Variants in ASTN2 observed in about 807,000 individuals in gnomAD.
ASTN2 encodes the protein astrotactin 2, also known as astrotactin-2.
In ASTN2, 54 loss-of-function variants were observed where a neutral mutation model predicts 139.8. The ratio of observed to expected loss-of-function variants is 0.39; its 90% confidence interval spans 0.31 to 0.48. ASTN2 has a LOEUF of 0.48. Among genes scored for constraint, ASTN2 ranks in the 20% least tolerant of loss-of-function variants. The pLI, the probability that ASTN2 is intolerant of heterozygous loss-of-function variation, is 0.95. For synonymous variants in ASTN2, 756 were observed against 719.5 expected (o/e 1.05, Z -0.81); for missense variants, 1,565 against 1,725.1 (o/e 0.91, Z 1.64).
intron 16 of ASTN2, among the ~76,000 whole-genome samples, chr9:116,679,719 T>C (rs1859723985): frequency 6.6e-6 from 1 of 152,110 alleles, no homozygotes; most frequent in Non-Finnish European, 1.5e-5. Context: ...ATTAAGAAAC[T>C]CACTCAAAAC....
chr9:116,917,310 T>C (rs1223141741), intron 10 of ASTN2, among the ~76,000 whole-genome samples: 1 of 152,060 alleles, frequency 6.6e-6, no homozygotes, highest in African/African-American at 2.4e-5. Context: ...TAATAATTGG[T>C]GAGTTTTTGA....
chr9:116,656,866 G>A (rs781242839), intron 16 of ASTN2, among the ~76,000 whole-genome samples: 24 of 152,098 alleles, frequency 1.6e-4, no homozygotes, highest in Non-Finnish European at 2.9e-4. Flanking sequence ...ATTCGGCAAC[G>A]GTGCAGGGTG....
At chr9:116,599,109 AAG>A (rs1854736117) in intron 19 of ASTN2, among the ~76,000 whole-genome samples, 1 of 152,174 alleles carries the variant, frequency 6.6e-6, no homozygotes, top group Non-Finnish European at 1.5e-5. Context: ...GAAAATCTAA[AAG>A]AGGGGATTAA....
chr9:116,788,680 A>G lies in ASTN2; in HGVS notation c.2396+16952T>C, dbSNP rs530323052. Among the ~76,000 whole-genome samples the G allele has an allele frequency of 1.3e-3, 194 of 152,240 alleles. 2 individuals carry two copies. The highest frequency in any genetic ancestry group is 4.2e-3 in the African/African-American group (174 of 41,544). On this transcript the variant is annotated intron_variant, in intron 13 of 22. Transcript: ENST00000313400. ...CGCAGAAATTGTCTTAGACAATACA[A>G]TGGCTTGTGGTCCTCCAATGTCTAA...
At chr9:116,537,405 C>T (rs1480784564) in intron 19 of ASTN2, among the ~76,000 whole-genome samples, 3 of 152,224 alleles carry the variant, frequency 2.0e-5, no homozygotes, top group African/African-American at 7.2e-5. Context: ...GATAACTTCA[C>T]ATTCATTTGA....
intron 19 of ASTN2, among the ~76,000 whole-genome samples, chr9:116,552,765 C>T (rs1019417177): frequency 2.0e-5 from 3 of 152,120 alleles, no homozygotes; most frequent in Non-Finnish European, 4.4e-5. Flanking sequence ...GGCCTGGTGC[C>T]CTAAAACTTG....
chr9:117,070,812 G>A (rs1828097295), intron 5 of ASTN2, among the ~76,000 whole-genome samples: 1 of 151,624 alleles, frequency 6.6e-6, no homozygotes, highest in Non-Finnish European at 1.5e-5. Flanking sequence ...CGGCTCCTGA[G>A]GCTTCTGCAT....
intron 5 of ASTN2, among the ~76,000 whole-genome samples, chr9:117,060,703 C>T (rs566380204): frequency 2.0e-5 from 3 of 151,772 alleles, no homozygotes; most frequent in Admixed American, 1.3e-4. Context: ...ATCATCCTGG[C>T]TAACATGGTG....
intron 16 of ASTN2, among the ~76,000 whole-genome samples, chr9:116,695,508 T>C (rs944869591): frequency 4.6e-5 from 7 of 152,232 alleles, no homozygotes; most frequent in Non-Finnish European, 7.3e-5. Context: ...TTAACTCCCC[T>C]TCTTCTCTAT....
In ASTN2 at chr9:116,886,538, A is replaced by T. The variant is rs538047018; in HGVS notation, c.1890-22805T>A. Among the ~76,000 whole-genome samples the T allele has an allele frequency of 1.3e-4, 19 of 151,382 alleles. 1 individual carries two copies. Among genetic ancestry groups the T allele is most frequent in the Admixed American group, 1.3e-3 (19 of 15,174 alleles). On this transcript the variant is annotated intron_variant, in intron 10 of 22. Coordinates refer to ENST00000313400, the MANE Select transcript of ASTN2 (RefSeq NM_001365068.1). ...AGGCATGTGCCACTACACCTGGCTA[A>T]TGTTGTTGTTGTTGAGATGGGTTTT...
At chr9:116,538,990 G>A (rs969936576) in intron 19 of ASTN2, among the ~76,000 whole-genome samples, 9 of 152,180 alleles carry the variant, frequency 5.9e-5, no homozygotes, top group Non-Finnish European at 1.0e-4. Flanking sequence ...TAATAATGGA[G>A]TCTTCTTTTA....
At chr9:117,348,306 T>G (rs948778807) in intron 1 of ASTN2, among the ~76,000 whole-genome samples, 36 of 152,134 alleles carry the variant, frequency 2.4e-4, no homozygotes, top group Non-Finnish European at 1.0e-4. Flanking sequence ...AACAAAATAT[T>G]GGGGATTAAC....
chr9:116,681,702 G>A (rs1859878447), intron 16 of ASTN2, among the ~76,000 whole-genome samples: 1 of 152,118 alleles, frequency 6.6e-6, no homozygotes, highest in African/African-American at 2.4e-5. Context: ...ACAGAACAGA[G>A]CCCTCAGAAA....
chr9:117,045,558 A>ACG (rs1838709875), intron 5 of ASTN2, among the ~76,000 whole-genome samples: 1 of 152,200 alleles, frequency 6.6e-6, no homozygotes, highest in Admixed American at 6.5e-5. Flanking sequence ...GCATTGCTTA[A>ACG]GAAATTCGAC....
At chr9:117,352,126 G>T (rs572947570) in intron 1 of ASTN2, among the ~76,000 whole-genome samples, 1 of 152,190 alleles carries the variant, frequency 6.6e-6, no homozygotes, top group Admixed American at 6.5e-5. Flanking sequence ...AATCTCACAG[G>T]CTGTGTCTTC....
intron 1 of ASTN2, among the ~76,000 whole-genome samples, chr9:117,353,309 G>A (rs746835012): frequency 3.3e-5 from 5 of 152,026 alleles, no homozygotes; most frequent in African/African-American, 4.8e-5. Flanking sequence ...GATTTAGTGC[G>A]GTGCTGTCCA....
chr9:116,757,003 T>C (rs1192475809), intron 13 of ASTN2, among the ~76,000 whole-genome samples: 4 of 152,132 alleles, frequency 2.6e-5, no homozygotes, highest in East Asian at 3.8e-4. Flanking sequence ...CACCCTGAAA[T>C]AGAGTGCTTC....
chr9:116,596,598 A>G (rs1041890390), intron 19 of ASTN2, among the ~76,000 whole-genome samples: 14 of 152,234 alleles, frequency 9.2e-5, no homozygotes, highest in Admixed American at 3.3e-4. Flanking sequence ...TGCAATTTTT[A>G]TATATCAATT....
At chr9:116,556,167 A>G (rs1399182969) in intron 19 of ASTN2, among the ~76,000 whole-genome samples, 1 of 152,256 alleles carries the variant, frequency 6.6e-6, no homozygotes, top group Non-Finnish European at 1.5e-5. Flanking sequence ...GGAATGAAGC[A>G]CGAGGAGTGC....
Sources: gnomAD v4.1 joint callset for allele counts (sites outside exome capture counted in the v4.1 genomes callset) on GRCh38, gnomAD v4.1.1 for gene constraint, MANE v1.5 for transcripts, NCBI Gene and HGNC (gene_info 2026-07-23, HGNC 2026-07-21) for gene names.